KIR2DL3: variants seen among roughly 807,000 people sequenced by gnomAD.
The protein encoded by KIR2DL3 is killer cell immunoglobulin like receptor, two Ig domains and long cytoplasmic tail 3.
In KIR2DL3, 39 loss-of-function variants were observed where a neutral mutation model predicts 33.8. The observed-to-expected ratio is 1.15, with a 90% confidence interval of 0.89 to 1.51. The LOEUF (loss-of-function observed/expected upper bound fraction) is 1.51, where lower values mean the gene tolerates loss of function less well. Among genes scored for constraint, KIR2DL3 ranks in the 40% most tolerant of loss-of-function variants. The probability of loss-of-function intolerance (pLI) is 0.00; values close to 1 mark genes in which losing one functional copy is unlikely to be tolerated. For missense variants in KIR2DL3, 462 were observed against 426.2 expected (o/e 1.08, Z -0.74); for synonymous variants, 174 against 160.2 (o/e 1.09, Z -0.65).
rs2147198477 is a variant in KIR2DL3 at position 54,752,417 on chromosome 19, C to T, written c.924C>T (p.His308=). 1 of 1,468,106 alleles carries T rather than the reference C, an allele frequency of 6.8e-7. No individual in the cohort carries two copies. The highest frequency in any genetic ancestry group is 2.3e-5 in the East Asian group (1 of 44,280). 90.9% of individuals were successfully genotyped at this position (1,468,106 alleles called of 1,614,324 possible). Reference sequence around the variant, plus strand: ...AGGTGACATATGCACAGTTGAATCACTGCGTTTTCACACAGAGAAAAATCA... The same window carrying T: ...AGGTGACATATGCACAGTTGAATCATTGCGTTTTCACACAGAGAAAAATCA... ...PQEVTYAQLN[H]CVFTQRKITR... Residue 308 remains histidine (H), a synonymous_variant, in exon 8 of 8, where the codon CAC becomes CAT. Transcript: ENST00000342376.
In KIR2DL3 at chr19:54,747,356, C is replaced by T. The variant is rs35861855; in HGVS notation, c.686C>T (p.Pro229Leu). ...SVTGNPSNSW[P>L]SPTEPSSETG... is the part of the protein sequence containing the mutation. ...CTAGGAAACCCTTCAAATAGTTGGC[C>T]TTCACCCACTGAACCAAGCTCCGAA... The change falls in exon 5 of 8, where the codon CCT (proline) becomes CTT (leucine). Residue 229 changes from proline to leucine, a missense_variant. Pro to Leu is a moderately conservative substitution (Grantham distance 98). Transcript: ENST00000342376. 0.19 allele frequency: 283,389 copies of T among 1,494,756 alleles called. 13,674 individuals carry two copies. Among genetic ancestry groups the T allele is most frequent in the Non-Finnish European group, 0.21 (229,257 of 1,075,086 alleles). 92.6% of individuals were successfully genotyped at this position (1,494,756 alleles called of 1,614,324 possible). A position where few individuals can be genotyped will look rare whatever the true frequency, so the allele number is the denominator to read the frequency against.
chr19:54,750,327 C>T (rs1478392032), intron 5 of KIR2DL3, among the ~76,000 whole-genome samples: 1 of 141,128 alleles, frequency 7.1e-6, no homozygotes, highest in Non-Finnish European at 1.6e-5. Context: ...TACTAATTCA[C>T]AGGAGGACAG....
intron 2 of KIR2DL3, among the ~76,000 whole-genome samples, chr19:54,739,949 G>A (rs372551745): frequency 0.061 from 9,105 of 149,062 alleles, 365 homozygotes; most frequent in African/African-American, 0.12. Context: ...GTTTATTTTC[G>A]TTCAGGCATC....
chr19:54,743,269 C>G (rs1357325220), intron 3 of KIR2DL3, among the ~76,000 whole-genome samples: 1 of 143,060 alleles, frequency 7.0e-6, no homozygotes, highest in Non-Finnish European at 1.5e-5. Context: ...ATGATGAAGA[C>G]AGATAATACG....
intron 2 of KIR2DL3, 136 bp downstream of exon 2, chr19:54,739,678 A>G: frequency 3.4e-6 from 5 of 1,451,816 alleles, no homozygotes; most frequent in Non-Finnish European, 4.8e-6. Context: ...CACATTTCTG[A>G]CCTCGCCTCC....
At chr19:54,751,966 T>C (rs1333722889) in intron 6 of KIR2DL3, among the ~76,000 whole-genome samples, 2 of 134,166 alleles carry the variant, frequency 1.5e-5, no homozygotes, top group Non-Finnish European at 3.3e-5. Flanking sequence ...TCATGTCCCC[T>C]GCAGCCACTC....
rs1291728442 is a variant in KIR2DL3 at position 54,752,524 on chromosome 19, A to C, written c.*5A>C. 7.5e-6 allele frequency: 11 copies of C among 1,462,424 alleles called. 2 individuals are homozygous for C. Among genetic ancestry groups the C allele is most frequent in the Non-Finnish European group, 1.0e-5 (11 of 1,075,872 alleles). 90.6% of individuals were successfully genotyped at this position (1,462,424 alleles called of 1,614,324 possible). A position where few individuals can be genotyped will look rare whatever the true frequency, so the allele number is the denominator to read the frequency against. On this transcript the variant is annotated 3_prime_UTR_variant, in exon 8 of 8. Transcript: ENST00000342376. Reference sequence around the variant, plus strand: ...CTTCCAAATGCTGAGCCCTGATCCAAAGTTGTCTCCTGCCCATGAGCACCA... The same window carrying C: ...CTTCCAAATGCTGAGCCCTGATCCACAGTTGTCTCCTGCCCATGAGCACCA...
intron 5 of KIR2DL3, among the ~76,000 whole-genome samples, chr19:54,748,226 C>T (rs1325537535): frequency 6.6e-6 from 1 of 151,898 alleles, no homozygotes; most frequent in African/African-American, 2.4e-5. Flanking sequence ...ACCTCTTTCT[C>T]TGAATGCTGC....
chr19:54,742,482 C>A (rs528262627), intron 3 of KIR2DL3, among the ~76,000 whole-genome samples: 714 of 151,772 alleles, frequency 4.7e-3, no homozygotes, highest in African/African-American at 0.016. Context: ...GACACAGGGG[C>A]CATACAGGGA....
chr19:54,751,823 G>A, intron 6 of KIR2DL3, 70 bp downstream of exon 6: 1 of 1,241,798 alleles, frequency 8.1e-7, no homozygotes, highest in Non-Finnish European at 1.1e-6. Context: ...GCACTCAGGT[G>A]TGTGTTCCTC....
chr19:54,752,148 T>C, intron 6 of KIR2DL3, 68 bp from the exon 7 acceptor site: 1 of 1,413,406 alleles, frequency 7.1e-7, no homozygotes, highest in Non-Finnish European at 9.7e-7. Context: ...TGTATGTTGG[T>C]ATCTGCTTAT....
rs1338345170 is a variant in KIR2DL3, at chr19:54,738,729, G to A, written c.34+150G>A. Reference sequence around the variant, plus strand: ...ATCTGGGCCTGGAGTGGAGATCTGGGCCTGGAGTGGAGATATGGGCCTGGA... The same window carrying A: ...ATCTGGGCCTGGAGTGGAGATCTGGACCTGGAGTGGAGATATGGGCCTGGA... On this transcript the variant is annotated intron_variant, in intron 1 of 7. Coordinates refer to ENST00000342376, the MANE Select transcript of KIR2DL3 (RefSeq NM_015868.3). 6 of 1,274,992 alleles carry A rather than the reference G, an allele frequency of 4.7e-6. No homozygotes were observed. In the Admixed American group the frequency reaches 5.9e-5, roughly 12 times the overall value. 79.0% of individuals were successfully genotyped at this position (1,274,992 alleles called of 1,614,324 possible). A position where few individuals can be genotyped will look rare whatever the true frequency, so the allele number is the denominator to read the frequency against.
At chr19:54,748,986 C>A (rs375953189) in intron 5 of KIR2DL3, among the ~76,000 whole-genome samples, 67 of 151,820 alleles carry the variant, frequency 4.4e-4, no homozygotes, top group Admixed American at 6.5e-4. Flanking sequence ...CAAAGAAGGT[C>A]TCACTATTCA....
intron 4 of KIR2DL3, among the ~76,000 whole-genome samples, chr19:54,744,896 A>ATATG (rs2072067163): frequency 2.0e-5 from 1 of 50,956 alleles, no homozygotes; most frequent in East Asian, 3.4e-4. Context: ...ATATATATAT[A>ATATG]TACACACACA....
At chr19:54,739,806 A>C (rs2070671893) in intron 2 of KIR2DL3, among the ~76,000 whole-genome samples, 1 of 152,206 alleles carries the variant, frequency 6.6e-6, no homozygotes. Context: ...TCTGAGGACA[A>C]AGGTGTTACT....
intron 3 of KIR2DL3, among the ~76,000 whole-genome samples, chr19:54,742,859 T>A (rs1292082850): frequency 6.6e-6 from 1 of 150,824 alleles, no homozygotes; most frequent in African/African-American, 2.4e-5. Context: ...TAACCCCACA[T>A]ATGAAAGGAT....
intron 2 of KIR2DL3, among the ~76,000 whole-genome samples, chr19:54,740,735 T>A (rs1323819822): frequency 1.3e-5 from 2 of 151,920 alleles, no homozygotes; most frequent in Non-Finnish European, 2.9e-5. Context: ...GACTACATTC[T>A]AATCCCTGGA....
intron 4 of KIR2DL3, among the ~76,000 whole-genome samples, chr19:54,746,110 G>A (rs2072447942): frequency 7.4e-6 from 1 of 134,490 alleles, no homozygotes; most frequent in Admixed American, 7.7e-5. Context: ...ACCACGCCCG[G>A]CCTAAAATCC....
rs1366774891 is a variant in KIR2DL3, at chr19:54,743,941, G to A, written c.517G>A (p.Ala173Thr). 4.3e-6 allele frequency: 7 copies of A among 1,614,056 alleles called. No homozygotes were observed. In the Admixed American group the frequency reaches 8.3e-5, roughly 19 times the overall value. The change falls in exon 4 of 8, where the codon GCA becomes ACA. Residue 173 changes from alanine (A) to threonine (T), a missense_variant. Transcript: ENST00000342376. ...EGEAHERRFS[A>T]GPKVNGTFQA... is the part of the protein sequence containing the mutation. ...GGAGGCCCATGAACGTAGGTTCTCT[G>A]CAGGGCCCAAGGTCAACGGAACATT...
Sources: allele counts gnomAD v4.1 joint callset (sites outside exome capture counted in the v4.1 genomes callset), GRCh38; gene constraint gnomAD v4.1.1; transcripts MANE v1.5; gene names NCBI Gene and HGNC (gene_info 2026-07-23, HGNC 2026-07-21).